PRDM1: variants seen among roughly 807,000 people sequenced by gnomAD.
PRDM1 encodes PR domain zinc finger protein 1.
A neutral mutation model predicts 62.8 loss-of-function variants in PRDM1; 13 were observed. The observed-to-expected ratio is 0.21, with a 90% CI of 0.13 to 0.33. The LOEUF is 0.33. Among genes scored for constraint, PRDM1 ranks in the 10% least tolerant of loss-of-function variants. The pLI, the probability that PRDM1 is intolerant of heterozygous loss-of-function variation, is 1.00. For synonymous variants in PRDM1, 396 were observed against 417.6 expected, an observed-to-expected ratio of 0.95 and a Z score of 0.63; for missense variants, 895 against 1,058.8, an observed-to-expected ratio of 0.85 and a Z score of 2.15.
chr6:106,088,456 C>T lies in PRDM1; in HGVS notation c.291+7C>T, dbSNP rs1441627294. 2 of 1,614,102 alleles carry T rather than the reference C, an allele frequency of 1.2e-6. No homozygotes were observed. The highest frequency in any genetic ancestry group is 2.7e-5 in the African/African-American group (2 of 75,032). The stretch of plus-strand genomic sequence containing the variant: ...TGCCACCAACAGTGAAGAGGTAAGC[C>T]TCTGGTTTATTGACAAGAAGATTGG... On this transcript the variant is annotated splice_region_variant and intron_variant, in intron 2 of 6. Transcript: ENST00000369096.
chr6:106,027,987 G>A (rs1428575985), intron 1 of PRDM1, among the ~76,000 whole-genome samples: 1 of 152,194 alleles, frequency 6.6e-6, no homozygotes, highest in African/African-American at 2.4e-5. Flanking sequence ...TCAGCTTTCA[G>A]CACCAATAGA....
chr6:106,031,740 G>A (rs781175236), intron 1 of PRDM1, among the ~76,000 whole-genome samples: 2 of 152,134 alleles, frequency 1.3e-5, no homozygotes, highest in African/African-American at 2.4e-5. Flanking sequence ...TGCAGTGTGT[G>A]GGAAGAGGTG....
At chr6:106,010,143 G>T (rs1443659061) in intron 1 of PRDM1, among the ~76,000 whole-genome samples, 3 of 152,166 alleles carry the variant, frequency 2.0e-5, no homozygotes, top group African/African-American at 4.8e-5. Context: ...TAAGCTTGGC[G>T]TAGGGCCTCT....
At chr6:106,083,356 C>T (rs1249573041), upstream of PRDM1, among the ~76,000 whole-genome samples, 1 of 151,810 alleles carries the variant, frequency 6.6e-6, no homozygotes, top group Non-Finnish European at 1.5e-5. Flanking sequence ...ATCTTGGGTA[C>T]ATTTCATCCC....
intron 1 of PRDM1, among the ~76,000 whole-genome samples, chr6:106,078,752 A>T (rs1317064763): frequency 1.3e-5 from 2 of 152,150 alleles, no homozygotes; most frequent in Non-Finnish European, 2.9e-5. Context: ...GGGTGCCTCT[A>T]GTCCTAGCTA....
intron 1 of PRDM1, among the ~76,000 whole-genome samples, chr6:106,000,690 T>C (rs1459396519): frequency 6.6e-6 from 1 of 152,230 alleles, no homozygotes; most frequent in East Asian, 1.9e-4. Context: ...GTGTTCTTTT[T>C]AACTAAGCAT....
At chr6:106,014,058 A>ATTTTTTTTTTTTT (rs71006664) in intron 1 of PRDM1, among the ~76,000 whole-genome samples, 1 of 105,102 alleles carries the variant, frequency 9.5e-6, no homozygotes. Context: ...AGGACAAGGA[A>ATTTTTTTTTTTTT]TTTTTTTTTT....
intron 1 of PRDM1, among the ~76,000 whole-genome samples, chr6:106,021,159 T>C (rs1172020323): frequency 6.6e-6 from 1 of 152,266 alleles, no homozygotes; most frequent in Non-Finnish European, 1.5e-5. Flanking sequence ...CTGTGTAATC[T>C]GATGCCAAGT....
chr6:106,074,837 A>G (rs1014138466), intron 1 of PRDM1, among the ~76,000 whole-genome samples: 4 of 152,156 alleles, frequency 2.6e-5, no homozygotes, highest in Admixed American at 6.5e-5. Flanking sequence ...AGCCAGGCAT[A>G]GTGGCACGCG....
chr6:105,998,907 ATATATATATATATATATATATATATATT>A (rs769354162), intron 1 of PRDM1, among the ~76,000 whole-genome samples: 19,633 of 62,048 alleles, frequency 0.32, 1,245 homozygotes, highest in Middle Eastern at 0.44. Flanking sequence ...ATATATATAT[ATATATATATATATATATATATATATATT>A]TTTTTTTTTT....
intron 1 of PRDM1, among the ~76,000 whole-genome samples, chr6:106,071,438 A>T (rs1023438701): frequency 4.6e-5 from 7 of 152,212 alleles, no homozygotes; most frequent in African/African-American, 1.7e-4. Context: ...TATCTCCAAT[A>T]AAAATTAATA....
intron 1 of PRDM1, among the ~76,000 whole-genome samples, chr6:106,007,886 C>A (rs1474103576): frequency 6.6e-6 from 1 of 152,206 alleles, no homozygotes; most frequent in East Asian, 1.9e-4. Flanking sequence ...GTTGGTACGC[C>A]CTATGAGGAC....
intron 4 of PRDM1, among the ~76,000 whole-genome samples, chr6:106,103,547 CAAACTAAACATCGTA>C (rs914525776): frequency 2.6e-5 from 4 of 152,256 alleles, no homozygotes; most frequent in African/African-American, 9.6e-5. Context: ...AATCAGAGCT[CAAACTAAACATCGTA>C]TGTTTTACTT....
At chr6:106,059,616 T>C (rs1439420608) in intron 1 of PRDM1, among the ~76,000 whole-genome samples, 2 of 152,180 alleles carry the variant, frequency 1.3e-5, no homozygotes, top group East Asian at 3.8e-4. Flanking sequence ...ATGTGATTTA[T>C]GCTTTCACAG....
At chr6:106,016,011 A>G (rs941500782) in intron 1 of PRDM1, among the ~76,000 whole-genome samples, 1 of 152,140 alleles carries the variant, frequency 6.6e-6, no homozygotes, top group African/African-American at 2.4e-5. Context: ...GCCCCTGGCA[A>G]CTTCTATTAT....
intron 1 of PRDM1, among the ~76,000 whole-genome samples, chr6:106,053,559 T>G (rs1007872904): frequency 3.3e-5 from 5 of 152,196 alleles, no homozygotes; most frequent in Non-Finnish European, 7.3e-5. Flanking sequence ...CATTATGTAT[T>G]CTAATAGAAT....
chr6:106,086,224 G>T (rs566770585), upstream of PRDM1: 1 of 370,288 alleles, frequency 2.7e-6, no homozygotes, highest in African/African-American at 2.1e-5. Flanking sequence ...CTAGCAATCT[G>T]GGGGAAAGCC....
In PRDM1 at chr6:106,104,859, T is replaced by C; in HGVS notation, c.699T>C (p.Thr233=). The C allele has an allele frequency of 6.2e-7, 1 of 1,613,914 alleles. No individual in the cohort carries two copies. Among genetic ancestry groups the C allele is most frequent in the Non-Finnish European group, 8.5e-7 (1 of 1,179,980 alleles). Residue 233 remains threonine (T), a synonymous_variant, in exon 5 of 7, where the codon ACT becomes ACC. Transcript: ENST00000369096. ...AGAGCAGTCTAAAGCAACCGAGCAC[T>C]GAGAAAAATGAACTCTGCCCAAAGA... is the stretch of plus-strand genomic sequence containing the variant. The part of the protein sequence containing the change: ...QTQSSLKQPS[T]EKNELCPKNV...
rs9398065 is a variant in PRDM1 at position 106,098,159 on chromosome 6, G to T, written c.412-1141G>T. ...GCTGTCCGGTGAGCACAAAATTCCT[G>T]CTACGAACAGTGCCTTACTGCTGCT... On this transcript the variant is annotated intron_variant, in intron 3 of 6. Transcript: ENST00000369096. The T allele has an allele frequency of 4.1e-6, 4 of 983,940 alleles. No individual in the cohort carries two copies. In the South Asian group the frequency reaches 1.9e-4, roughly 46 times the overall value. The allele number at this position is 983,940 out of a possible 1,614,324, so 61.0% of individuals were successfully genotyped here.
Sources: gnomAD v4.1 joint callset for allele counts (sites outside exome capture counted in the v4.1 genomes callset) on GRCh38, gnomAD v4.1.1 for gene constraint, MANE v1.5 for transcripts, NCBI Gene and HGNC (gene_info 2026-07-23, HGNC 2026-07-21) for gene names.